The following EIF3K variants were observed in gnomAD, a reference collection of about 807,000 sequenced individuals.
EIF3K encodes eukaryotic translation initiation factor 3 subunit K, also known as eIF-3 p28.
Under a neutral mutation model 34.2 loss-of-function variants are expected in EIF3K, and 27 were observed. The ratio of observed to expected loss-of-function variants is 0.79; its 90% CI spans 0.58 to 1.09. The LOEUF is 1.09. EIF3K is among the 50% of genes least tolerant of loss of function. The pLI, the probability that EIF3K is intolerant of heterozygous loss-of-function variation, is 0.00. For missense variants in EIF3K, 232 were observed against 275.4 expected (o/e 0.84, Z 1.11); for synonymous variants, 105 against 105.7 (o/e 0.99, Z 0.04).
Position 38,635,110 on chromosome 19 carries a change from A to G in EIF3K, c.617A>G (p.Asp206Gly). The G allele has an allele frequency of 1.2e-6, 2 of 1,614,194 alleles. No individual in the cohort carries two copies. Among genetic ancestry groups the G allele is most frequent in the Non-Finnish European group, 1.7e-6 (2 of 1,180,036 alleles). Residue 206 changes from aspartate (D) to glycine (G), a missense_variant, in exon 7 of 8, where the codon GAC becomes GGC. Coordinates refer to ENST00000248342, the MANE Select transcript of EIF3K (RefSeq NM_013234.4). ...IKPKNIVEKI[D>G]FDSVSSIMAS... ...CCCAAGAACATTGTGGAGAAGATTG[A>G]CTTTGACAGTGAGTGGTGACCCACG...
Position 38,621,903 on chromosome 19 carries a change from C to CTTTTTTTTT in EIF3K, c.158+1482_158+1490dup, listed in dbSNP as rs914363057. Among the ~76,000 whole-genome samples, 20 of 111,478 alleles carry CTTTTTTTTT rather than the reference C, an allele frequency of 1.8e-4. 1 individual carries two copies. In the South Asian group the frequency reaches 5.9e-3, roughly 33 times the overall value. The allele number at this position is 111,478 out of a possible 152,430, so 73.1% of individuals were successfully genotyped here. ...ATGGACATTGTGGGTTCTTCGTGCC[C>CTTTTTTTTT]TTTTTTTTTTTTTTTTTTTTTTGGA... On this transcript the variant is annotated intron_variant, in intron 2 of 7. Transcript: ENST00000248342.
intron 2 of EIF3K, 144 bp from the exon 3 acceptor site, chr19:38,623,933 C>T: frequency 1.5e-6 from 2 of 1,310,584 alleles, no homozygotes; most frequent in Non-Finnish European, 2.1e-6. Flanking sequence ...GTGAAGGTTA[C>T]ACAGCTGGGA....
At chr19:38,636,738 A>T in intron 7 of EIF3K, 151 bp from the exon 8 acceptor site, 2 of 868,154 alleles carry the variant, frequency 2.3e-6, no homozygotes, top group Non-Finnish European at 3.8e-6. Flanking sequence ...CCATCTTTTT[A>T]AAATACTGCA....
At chr19:38,634,026 C>T (rs1358242275) in intron 6 of EIF3K, among the ~76,000 whole-genome samples, 2 of 150,212 alleles carry the variant, frequency 1.3e-5, no homozygotes, top group Non-Finnish European at 1.5e-5. Context: ...ATCTGCCCAC[C>T]TTGGCCTCCC....
rs139081852 is a variant in EIF3K, at chr19:38,626,327, C to A, written c.354+225C>A. 21 of 582,498 alleles carry A rather than the reference C, an allele frequency of 3.6e-5. 1 individual carries two copies. Among genetic ancestry groups the A allele is most frequent in the African/African-American group, 3.4e-4 (18 of 53,602 alleles). The allele number at this position is 582,498 out of a possible 1,614,324, so 36.1% of individuals were successfully genotyped here. ...ACCCTTTCCCCTTTCTCCCATCTTT[C>A]CACTGAGCCCTCTAGTACACACCGT... On this transcript the variant is annotated intron_variant, in intron 4 of 7. Transcript: ENST00000248342.
At chr19:38,619,500 G>A (rs1975790409) in intron 1 of EIF3K, among the ~76,000 whole-genome samples, 173 bp downstream of exon 1, 1 of 152,166 alleles carries the variant, frequency 6.6e-6, no homozygotes, top group Non-Finnish European at 1.5e-5. Flanking sequence ...AGTGGCTCAC[G>A]CCTGTGATCC....
rs573570167 is a variant in EIF3K at position 38,625,485 on chromosome 19, GTAA to G, written c.280-537_280-535del. On this transcript the variant is annotated intron_variant, in intron 3 of 7. Coordinates refer to ENST00000248342, the MANE Select transcript of EIF3K (RefSeq NM_013234.4). ...CCAGCCTATAGGTTTTATTTTATTAGTAATAATAGTAGGGTTTTTTTGTTAATA... is the reference window on the plus strand; with the variant it reads ...CCAGCCTATAGGTTTTATTTTATTAGTAATAGTAGGGTTTTTTTGTTAATA... Among the ~76,000 whole-genome samples, 34 of 149,286 alleles carry G rather than the reference GTAA, an allele frequency of 2.3e-4. No individual in the cohort carries two copies. The East Asian group carries it at 6.3e-3, about 28-fold the overall frequency.
rs1240053028 is a variant in EIF3K at position 38,634,986 on chromosome 19, C to T, written c.500-7C>T. The T allele has an allele frequency of 1.9e-6, 3 of 1,613,954 alleles. No individual in the cohort carries two copies. Among genetic ancestry groups the T allele is most frequent in the Admixed American group, 1.7e-5 (1 of 60,014 alleles). On this transcript the variant is annotated splice_region_variant and splice_polypyrimidine_tract_variant and intron_variant, in intron 6 of 7. Transcript: ENST00000248342. ...CTGAAGCCCCTTGCTGCCCCTGTCA[C>T]CTGCAGACAGCCAGCTAAAGGTGTG...
At position 38,619,266 on chromosome 19, in the gene EIF3K, G is replaced by C; in HGVS notation, c.-3G>C. 6.2e-7 allele frequency: 1 copy of C among 1,614,064 alleles called. No homozygotes were observed. The highest frequency in any genetic ancestry group is 2.2e-5 in the East Asian group (1 of 44,882). On this transcript the variant is annotated 5_prime_UTR_variant, in exon 1 of 8. Transcript: ENST00000248342. ...GCCCTGGTTGTGGAAGGCGACAGAA[G>C]TCATGGCGATGTTTGAGCAGATGAG...
rs546880170 is a variant in EIF3K at position 38,628,110 on chromosome 19, G to T, written c.354+2008G>T. On this transcript the variant is annotated intron_variant, in intron 4 of 7. Transcript: ENST00000248342. ...GTAGAGACGGGGTTTCACCATGTTGGCCAGGCTGGTCTCGAACTACTGACC... is the reference window on the plus strand; with the variant it reads ...GTAGAGACGGGGTTTCACCATGTTGTCCAGGCTGGTCTCGAACTACTGACC... Among the ~76,000 whole-genome samples, 433 of 151,964 alleles carry T rather than the reference G, an allele frequency of 2.8e-3. 5 individuals are homozygous for T. The highest frequency in any genetic ancestry group is 0.01 in the African/African-American group (418 of 41,414).
At chr19:38,634,691 C>T (rs951788562) in intron 6 of EIF3K, among the ~76,000 whole-genome samples, 8 of 152,152 alleles carry the variant, frequency 5.3e-5, no homozygotes, top group Admixed American at 6.5e-5. Flanking sequence ...GATAAATACG[C>T]TGCTCTTGTT....
intron 4 of EIF3K, 106 bp from the exon 5 acceptor site, chr19:38,632,324 A>C: frequency 1.8e-6 from 2 of 1,099,322 alleles, no homozygotes; most frequent in Non-Finnish European, 2.6e-6. Flanking sequence ...CCAGAAATTC[A>C]AGACCAGCCT....
intron 2 of EIF3K, among the ~76,000 whole-genome samples, chr19:38,622,280 T>C (rs1297702289): frequency 6.6e-6 from 1 of 152,284 alleles, no homozygotes. Flanking sequence ...CGTAGGTTCT[T>C]TTCTATATTC....
chr19:38,624,332 T>C, intron 3 of EIF3K, 135 bp downstream of exon 3: 2 of 1,367,962 alleles, frequency 1.5e-6, no homozygotes, highest in Non-Finnish European at 9.9e-7. Context: ...GGCAAGGTGC[T>C]GGACAGTGCT....
In EIF3K at chr19:38,633,608, G is replaced by A. The variant is rs539823116; in HGVS notation, c.499+930G>A. On this transcript the variant is annotated intron_variant, in intron 6 of 7. Coordinates refer to ENST00000248342, the MANE Select transcript of EIF3K (RefSeq NM_013234.4). ...AGCTACTTGGGAGGCTGAGGCAGGA[G>A]AATTGCTTCAACGCAGGAGGCGGAG... Among the ~76,000 whole-genome samples the A allele has an allele frequency of 2.6e-5, 4 of 152,086 alleles. No homozygotes were observed. In the South Asian group the frequency reaches 8.3e-4, roughly 32 times the overall value.
chr19:38,628,065 G>A (rs1443909030), intron 4 of EIF3K, among the ~76,000 whole-genome samples: 1 of 151,802 alleles, frequency 6.6e-6, no homozygotes, highest in Non-Finnish European at 1.5e-5. Context: ...CCACCCCGCC[G>A]GCTAATTTTT....
intron 4 of EIF3K, among the ~76,000 whole-genome samples, chr19:38,628,263 G>A (rs1975989033): frequency 6.6e-6 from 1 of 152,164 alleles, no homozygotes; most frequent in African/African-American, 2.4e-5. Context: ...AGAGTCTGAT[G>A]TAATTGCTTC....
At position 38,635,001 on chromosome 19, in the gene EIF3K, C is replaced by G. The variant is rs775777468; in HGVS notation, c.508C>G (p.Leu170Val). 1.7e-5 allele frequency: 27 copies of G among 1,614,022 alleles called. No individual in the cohort carries two copies. The highest frequency in any genetic ancestry group is 3.4e-6 in the Non-Finnish European group (4 of 1,180,048). Residue 170 changes from leucine to valine, a missense_variant, in exon 7 of 8, where the codon CTA (leucine) becomes GTA (valine). Physicochemically the swap from Leu to Val is conservative, Grantham distance 32 (BLOSUM62 1). Transcript: ENST00000248342. ...GCCCCTGTCACCTGCAGACAGCCAG[C>G]TAAAGGTGTGGATGAGCAAATACGG... ...EMLGDLSDSQ[L>V]KVWMSKYGWS...
intron 3 of EIF3K, among the ~76,000 whole-genome samples, chr19:38,625,320 C>T (rs1975926249): frequency 1.3e-5 from 2 of 151,774 alleles, no homozygotes; most frequent in South Asian, 2.1e-4. Context: ...TGCATGCTAC[C>T]ACGCCCAGCT....
Sources: allele counts gnomAD v4.1 joint callset (sites outside exome capture counted in the v4.1 genomes callset), GRCh38; gene constraint gnomAD v4.1.1; transcripts MANE v1.5; gene names NCBI Gene and HGNC (gene_info 2026-07-23, HGNC 2026-07-21).